WNK1: variants seen among roughly 807,000 people sequenced by gnomAD.
WNK1 encodes the protein WNK lysine deficient protein kinase 1.
In WNK1, 38 loss-of-function variants were observed where a neutral mutation model predicts 222.8. The ratio of observed to expected loss-of-function variants is 0.17; its 90% CI spans 0.13 to 0.22. WNK1 has a LOEUF of 0.22. Among genes scored for constraint, WNK1 ranks in the 10% least tolerant of loss-of-function variants. The pLI, the probability that WNK1 is intolerant of heterozygous loss-of-function variation, is 1.00. For synonymous variants in WNK1, 1,090 were observed against 1,092.9 expected, an observed-to-expected ratio of 1.00 and a Z score of 0.05; for missense variants, 2,348 against 2,918.4, an observed-to-expected ratio of 0.80 and a Z score of 4.50.
chr12:858,633 A>G (rs958471239), intron 5 of WNK1, among the ~76,000 whole-genome samples: 1 of 152,208 alleles, frequency 6.6e-6, no homozygotes, highest in African/African-American at 2.4e-5. Context: ...TGGTGTAAAT[A>G]AAGCTTGCTG....
intron 17 of WNK1, 109 bp downstream of exon 17, chr12:883,940 A>C: frequency 1.3e-6 from 2 of 1,507,190 alleles, no homozygotes; most frequent in Non-Finnish European, 1.8e-6. Context: ...AGGCACGAGA[A>C]TCGCTTGAAC....
At position 769,976 on chromosome 12, in the gene WNK1, C is replaced by CT. The variant is rs991651102; in HGVS notation, c.759+15666dup. On this transcript the variant is annotated intron_variant, in intron 1 of 27. Coordinates refer to ENST00000315939, the MANE Select transcript of WNK1 (RefSeq NM_018979.4). The stretch of plus-strand genomic sequence containing the variant: ...AAACACTGTTACATTGCATAAGTTT[C>CT]TTTTTTTTTTTTTTGAGACGGAGTT... Among the ~76,000 whole-genome samples, 262 of 142,422 alleles carry CT rather than the reference C, an allele frequency of 1.8e-3. 1 individual carries two copies. Among genetic ancestry groups the CT allele is most frequent in the Middle Eastern group, 3.6e-3 (1 of 276 alleles). The allele number at this position is 142,422 out of a possible 152,430, so 93.4% of individuals were successfully genotyped here. A position where few individuals can be genotyped will look rare whatever the true frequency, so the allele number is the denominator to read the frequency against.
rs397849845 is a variant in WNK1 at position 778,637 on chromosome 12, CTT to C, written c.759+24330_759+24331del. ...TGAGCCACCGTGCCCGGCCAATGAT[CTT>C]TTTTTTTTTTTTTTTTAAAGTCATT... On this transcript the variant is annotated intron_variant, in intron 1 of 27. Coordinates refer to ENST00000315939, the MANE Select transcript of WNK1 (RefSeq NM_018979.4). Among the ~76,000 whole-genome samples, 302 of 136,500 alleles carry C rather than the reference CTT, an allele frequency of 2.2e-3. 1 individual carries two copies. Among genetic ancestry groups the C allele is most frequent in the African/African-American group, 6.8e-3 (250 of 36,912 alleles). The allele number at this position is 136,500 out of a possible 152,430, so 89.5% of individuals were successfully genotyped here.
chr12:906,218 C>A, intron 26 of WNK1: 1 of 769,084 alleles, frequency 1.3e-6, no homozygotes, highest in Admixed American at 6.2e-5. Context: ...TTCTGTAACA[C>A]GTGAGATCTG....
intron 2 of WNK1, among the ~76,000 whole-genome samples, chr12:825,052 A>G (rs1948241963): frequency 2.6e-5 from 4 of 152,176 alleles, no homozygotes; most frequent in South Asian, 4.1e-4. Flanking sequence ...TTTACCTCCA[A>G]ACAGCATCAG....
At chr12:892,183 G>C (rs996508447) in intron 22 of WNK1, among the ~76,000 whole-genome samples, 2 of 151,424 alleles carry the variant, frequency 1.3e-5, no homozygotes, top group Non-Finnish European at 2.9e-5. Flanking sequence ...CCATTAACTC[G>C]TCATTTAGCA....
intron 1 of WNK1, among the ~76,000 whole-genome samples, chr12:784,180 C>A (rs1221226548): frequency 6.6e-6 from 1 of 152,088 alleles, no homozygotes; most frequent in Non-Finnish European, 1.5e-5. Context: ...CATGATTGTG[C>A]CCCTGTGCTC....
intron 1 of WNK1, among the ~76,000 whole-genome samples, chr12:759,313 T>A (rs1462585501): frequency 6.8e-6 from 1 of 146,972 alleles, no homozygotes; most frequent in African/African-American, 2.4e-5. Context: ...ATTTAGTAAC[T>A]TGCATTTTGT....
chr12:801,574 A>AT (rs35504521), intron 1 of WNK1, among the ~76,000 whole-genome samples: 18,488 of 133,954 alleles, frequency 0.14, 1,405 homozygotes, highest in Middle Eastern at 0.23. Context: ...ATGCCTGACC[A>AT]TTTTTTTTTT....
chr12:790,696 T>TAAA (rs1328237585), intron 1 of WNK1, among the ~76,000 whole-genome samples: 2 of 152,228 alleles, frequency 1.3e-5, no homozygotes, highest in African/African-American at 4.8e-5. Context: ...ATCACAGTTT[T>TAAA]AAAAAGACAA....
chr12:884,203 A>G lies in WNK1; in HGVS notation c.3804A>G (p.Leu1268=), dbSNP rs760483709. 1 of 1,614,222 alleles carries G rather than the reference A, an allele frequency of 6.2e-7. No individual in the cohort carries two copies. Among genetic ancestry groups the G allele is most frequent in the Middle Eastern group, 1.6e-4 (1 of 6,062 alleles). Residue 1268 remains leucine, a synonymous_variant, in exon 18 of 28, where the codon TTA becomes TTG. Coordinates refer to ENST00000315939, the MANE Select transcript of WNK1 (RefSeq NM_018979.4). This position sits in a 1 kb window ranked among gnomAD's most constrained non-coding sequence, Gnocchi z 5.6. ...FIVSPVPESR[L]RESKVFPSEI... is the part of the protein sequence containing the mutation. ...TGAGTCCTGTGCCAGAAAGCCGATT[A>G]CGAGAATCAAAAGTTTTCCCCAGTG...
intron 1 of WNK1, among the ~76,000 whole-genome samples, chr12:771,100 C>G (rs190428737): frequency 2.8e-4 from 43 of 152,114 alleles, no homozygotes; most frequent in Admixed American, 1.9e-3. Flanking sequence ...TGGGTTCAAG[C>G]GACTCTCCTG....
chr12:890,504 C>A lies in WNK1; in HGVS notation c.5500C>A (p.Gln1834Lys), dbSNP rs149516476. The A allele has an allele frequency of 1.2e-6, 2 of 1,614,010 alleles. No individual in the cohort carries two copies. Among genetic ancestry groups the A allele is most frequent in the Admixed American group, 1.7e-5 (1 of 59,986 alleles). Residue 1834 changes from glutamine (Q) to lysine (K), a missense_variant, in exon 22 of 28, where the codon CAG becomes AAG. Physicochemically the swap from Gln to Lys is moderately conservative, Grantham distance 53. Transcript: ENST00000315939. Reference sequence around the variant, plus strand: ...AATCACAGAAGCAGGAACACAGCCTCAGAAGGGTGGTGAGAAACATCCTTC... The same window carrying A: ...AATCACAGAAGCAGGAACACAGCCTAAGAAGGGTGGTGAGAAACATCCTTC... ...TAITEAGTQP[Q>K]KGVSQVKEGP...
At chr12:763,580 ACT>A (rs1294969358) in intron 1 of WNK1, among the ~76,000 whole-genome samples, 1 of 119,404 alleles carries the variant, frequency 8.4e-6, no homozygotes, top group African/African-American at 2.6e-5. Context: ...CAAGAGGGAA[ACT>A]CTGTCTCAAA....
chr12:879,537 T>TA (rs763359784), intron 10 of WNK1, 36 bp from the exon 11 acceptor site: 5 of 978,006 alleles, frequency 5.1e-6, no homozygotes, highest in Admixed American at 2.0e-5. Flanking sequence ...TTTTTTTTTT[T>TA]AAGCCTGTCT....
chr12:796,899 G>A (rs1945364321), intron 1 of WNK1, among the ~76,000 whole-genome samples: 1 of 150,116 alleles, frequency 6.7e-6, no homozygotes, highest in South Asian at 2.1e-4. Flanking sequence ...ATGCAAATCT[G>A]ATCACATCTT....
At position 884,344 on chromosome 12, in the gene WNK1, TAAAAA is replaced by T; in HGVS notation, c.3844+103_3844+107del. 5.2e-6 allele frequency: 8 copies of T among 1,536,738 alleles called. No individual in the cohort carries two copies. The highest frequency in any genetic ancestry group is 7.2e-6 in the Non-Finnish European group (8 of 1,117,490). On this transcript the variant is annotated intron_variant, in intron 18 of 27. Transcript: ENST00000315939. This position sits in a 1 kb window ranked among gnomAD's most constrained non-coding sequence, Gnocchi z 5.6. ...CAGTAATTTATGATGACACAGATAATAAAAAAGAATAGAAAACTGAAGTTATAACC... is the reference window on the plus strand; with the variant it reads ...CAGTAATTTATGATGACACAGATAATAGAATAGAAAACTGAAGTTATAACC...
chr12:785,049 G>C (rs1327996311), intron 1 of WNK1, among the ~76,000 whole-genome samples: 1 of 152,068 alleles, frequency 6.6e-6, no homozygotes, highest in Non-Finnish European at 1.5e-5. Context: ...ATTTATTTCA[G>C]AATTTTAAAG....
chr12:753,924 A>C lies in WNK1; in HGVS notation c.359A>C (p.His120Pro), dbSNP rs773816207. The C allele has an allele frequency of 6.2e-7, 1 of 1,607,350 alleles. No homozygotes were observed. Among genetic ancestry groups the C allele is most frequent in the South Asian group, 1.1e-5 (1 of 90,716 alleles). The change falls in exon 1 of 28, where the codon CAC (histidine) becomes CCC (proline). Residue 120 changes from histidine to proline, a missense_variant. Physicochemically the swap from His to Pro is moderately conservative, Grantham distance 77 (BLOSUM62 -2). Transcript: ENST00000315939. This position sits in a 1 kb window ranked among gnomAD's most constrained non-coding sequence, Gnocchi z 5.2. ...AVPQSAPPEP[H>P]REETVTATAT... is the part of the protein sequence containing the mutation. The stretch of plus-strand genomic sequence containing the variant: ...CCGCAGAGTGCTCCACCGGAGCCCC[A>C]CCGGGAAGAGACCGTGACCGCCACC...
Sources: gnomAD v4.1 joint callset for allele counts (sites outside exome capture counted in the v4.1 genomes callset) on GRCh38, gnomAD v4.1.1 for gene constraint, Gnocchi (gnomAD v3.1) non-coding constraint, MANE v1.5 for transcripts, NCBI Gene and HGNC (gene_info 2026-07-23, HGNC 2026-07-21) for gene names.